Variants in TENM3 observed in about 807,000 individuals in gnomAD.
TENM3 encodes teneurin transmembrane protein 3.
TENM3 carries 63 observed loss-of-function variants against 255.1 expected under a neutral mutation model. That is an observed-to-expected ratio of 0.25 (90% CI 0.20 to 0.30). The LOEUF (loss-of-function observed/expected upper bound fraction) is 0.30, where lower values mean the gene tolerates loss of function less well. Among genes scored for constraint, TENM3 ranks in the 10% least tolerant of loss-of-function variants. TENM3 has a pLI of 1.00. For synonymous variants in TENM3, 1,306 were observed against 1,322.3 expected (o/e 0.99, Z 0.27); for missense variants, 2,929 against 3,461.1 (o/e 0.85, Z 3.86).
At chr4:182,377,428 C>G (rs6849697) in intron 3 of TENM3, among the ~76,000 whole-genome samples, 3,769 of 152,192 alleles carry the variant, frequency 0.025, 112 homozygotes, top group African/African-American at 0.061. Context: ...ATTCTCGTGC[C>G]TCAGCCTTGC....
the TENM3 span, among the ~76,000 whole-genome samples, chr4:182,087,575 T>G: frequency 6.6e-6 from 1 of 152,166 alleles, no homozygotes; most frequent in Non-Finnish European, 1.5e-5. Flanking sequence ...TAATGAAGGA[T>G]GGAAGTCTGA....
chr4:182,037,740 T>C, the TENM3 span, among the ~76,000 whole-genome samples: 2 of 152,238 alleles, frequency 1.3e-5, no homozygotes, highest in African/African-American at 4.8e-5. Flanking sequence ...CTTACTGTTA[T>C]GCTCACTGTG....
the TENM3 span, among the ~76,000 whole-genome samples, chr4:181,547,287 A>G: frequency 6.6e-6 from 1 of 152,196 alleles, no homozygotes; most frequent in Non-Finnish European, 1.5e-5. Context: ...TCCAAAGTTG[A>G]AAAAATAGTA....
At chr4:182,170,536 T>C (rs1300434376) in intron 1 of TENM3, among the ~76,000 whole-genome samples, 1 of 152,162 alleles carries the variant, frequency 6.6e-6, no homozygotes, top group East Asian at 1.9e-4. Context: ...TGATAGACTC[T>C]TGTGTTTATA....
At chr4:181,906,637 T>C in the TENM3 span, among the ~76,000 whole-genome samples, 1 of 152,198 alleles carries the variant, frequency 6.6e-6, no homozygotes, top group African/African-American at 2.4e-5. Context: ...CAAATGCCAA[T>C]AGGGCCAAGC....
the TENM3 span, among the ~76,000 whole-genome samples, chr4:181,533,486 G>A: frequency 1.3e-5 from 2 of 151,936 alleles, no homozygotes; most frequent in Non-Finnish European, 2.9e-5. Context: ...ACCTTCTCTT[G>A]GTCCCTTAAG....
At chr4:182,340,714 G>A (rs1764433779) in intron 2 of TENM3, among the ~76,000 whole-genome samples, 1 of 152,120 alleles carries the variant, frequency 6.6e-6, no homozygotes, top group South Asian at 2.1e-4. Context: ...TGCAAATACA[G>A]CAAAAGAGAG....
chr4:181,928,177 A>T, the TENM3 span, among the ~76,000 whole-genome samples: 1 of 152,096 alleles, frequency 6.6e-6, no homozygotes, highest in Non-Finnish European at 1.5e-5. Flanking sequence ...GTGGAGAATG[A>T]GTTTGATGAA....
At chr4:181,448,383 G>C in the TENM3 span, among the ~76,000 whole-genome samples, 1 of 150,838 alleles carries the variant, frequency 6.6e-6, no homozygotes, top group African/African-American at 2.4e-5. Context: ...GTTTTAGCCG[G>C]GATGGTCTCG....
the TENM3 span, among the ~76,000 whole-genome samples, chr4:182,101,487 A>C: frequency 6.6e-6 from 1 of 152,116 alleles, no homozygotes; most frequent in Non-Finnish European, 1.5e-5. Flanking sequence ...AACCCTCTAG[A>C]CCTTCCTTAC....
intron 3 of TENM3, among the ~76,000 whole-genome samples, chr4:182,461,864 G>A (rs1439931604): frequency 6.6e-6 from 1 of 152,150 alleles, no homozygotes; most frequent in Admixed American, 6.5e-5. Flanking sequence ...ACACAGCTAA[G>A]ATAGGGACAG....
chr4:182,176,221 A>G (rs1457718046), intron 1 of TENM3, among the ~76,000 whole-genome samples: 3 of 152,142 alleles, frequency 2.0e-5, no homozygotes, highest in Non-Finnish European at 4.4e-5. Context: ...ATGAATATAT[A>G]AATGGCACAT....
rs1270371712 is a variant in TENM3 at position 182,330,845 on chromosome 4, G to T, written c.232+6593G>T. ...ACTACAAGAGAAACCTTAACAGAAG[G>T]CTGGAACTAAAAGCATTTACCTATC... is the stretch of plus-strand genomic sequence containing the variant. On this transcript the variant is annotated intron_variant, in intron 2 of 27. Coordinates refer to ENST00000511685, the MANE Select transcript of TENM3 (RefSeq NM_001080477.4). Among the ~76,000 whole-genome samples, 3 of 152,202 alleles carry T rather than the reference G, an allele frequency of 2.0e-5. No homozygotes were observed. In the East Asian group the frequency reaches 5.8e-4, roughly 29 times the overall value.
At chr4:182,252,091 G>A (rs1348847059) in intron 1 of TENM3, among the ~76,000 whole-genome samples, 2 of 151,900 alleles carry the variant, frequency 1.3e-5, no homozygotes, top group African/African-American at 4.8e-5. Context: ...GCTGAGCCAG[G>A]AGAATTGCTT....
the TENM3 span, among the ~76,000 whole-genome samples, chr4:181,940,248 T>C: frequency 6.6e-6 from 1 of 152,236 alleles, no homozygotes; most frequent in Non-Finnish European, 1.5e-5. Flanking sequence ...CTTTTCTTCA[T>C]GATCTGAACA....
chr4:181,862,923 A>G, the TENM3 span, among the ~76,000 whole-genome samples: 3 of 152,164 alleles, frequency 2.0e-5, no homozygotes, highest in African/African-American at 7.2e-5. Context: ...GAAGTTATTG[A>G]TGGACAAAAA....
intron 3 of TENM3, among the ~76,000 whole-genome samples, chr4:182,521,153 C>G (rs903768026): frequency 6.6e-6 from 1 of 152,180 alleles, no homozygotes; most frequent in East Asian, 1.9e-4. Flanking sequence ...AATGGGTCAT[C>G]ATCAGTTATG....
the TENM3 span, among the ~76,000 whole-genome samples, chr4:181,749,298 T>C: frequency 5.3e-5 from 8 of 152,100 alleles, no homozygotes; most frequent in African/African-American, 1.9e-4. Flanking sequence ...AAATGCATCT[T>C]GCAGAAAGAA....
intron 11 of TENM3, among the ~76,000 whole-genome samples, chr4:182,684,715 G>A (rs1366000619): frequency 6.6e-6 from 1 of 152,130 alleles, no homozygotes; most frequent in Non-Finnish European, 1.5e-5. Context: ...AAGGCTAATT[G>A]TAGTTCGTCA....
Sources: allele counts gnomAD v4.1 joint callset (sites outside exome capture counted in the v4.1 genomes callset), GRCh38; gene constraint gnomAD v4.1.1; transcripts MANE v1.5; gene names NCBI Gene and HGNC (gene_info 2026-07-23, HGNC 2026-07-21).